ETS1: variants seen among roughly 807,000 people sequenced by gnomAD.
ETS1 encodes protein C-ets-1.
ETS1 carries 15 observed loss-of-function variants against 58.6 expected under a neutral mutation model. The observed-to-expected ratio is 0.26, with a 90% CI of 0.17 to 0.39. The LOEUF (loss-of-function observed/expected upper bound fraction) is 0.39, where lower values mean the gene tolerates loss of function less well. ETS1 is among the 10% of genes least tolerant of loss of function. The pLI is 1.00. For missense variants in ETS1, 417 were observed against 610.5 expected, an observed-to-expected ratio of 0.68 and a Z score of 3.34; for synonymous variants, 214 against 218.2, an observed-to-expected ratio of 0.98 and a Z score of 0.17.
chr11:128,556,487 T>C, intron 2 of ETS1, 52 bp from the exon 3 acceptor site: 2 of 1,317,216 alleles, frequency 1.5e-6, no homozygotes, highest in Non-Finnish European at 2.1e-6. Context: ...TCTCTGTTGT[T>C]TAGCCCTAAA....
intron 2 of ETS1, among the ~76,000 whole-genome samples, chr11:128,566,398 C>T (rs1370339768): frequency 1.3e-5 from 2 of 152,202 alleles, no homozygotes; most frequent in Non-Finnish European, 2.9e-5. Flanking sequence ...TCACAGTGAC[C>T]TTCCACGTAC....
intron 1 of ETS1, among the ~76,000 whole-genome samples, chr11:128,578,116 A>G (rs1439409644): frequency 6.6e-6 from 1 of 152,174 alleles, no homozygotes. Context: ...TCATAGAGCG[A>G]GTGACCACTT....
chr11:128,574,344 C>A (rs1467923087), intron 1 of ETS1, among the ~76,000 whole-genome samples: 1 of 152,164 alleles, frequency 6.6e-6, no homozygotes, highest in Non-Finnish European at 1.5e-5. Flanking sequence ...ATGTAGAATG[C>A]AGTCAAAATA....
chr11:128,495,441 A>G (rs1370519710), intron 3 of ETS1, among the ~76,000 whole-genome samples: 6 of 152,242 alleles, frequency 3.9e-5, no homozygotes, highest in Non-Finnish European at 8.8e-5. Flanking sequence ...AGCCATTTAC[A>G]GAATCAACTA....
At chr11:128,571,907 G>A (rs1162234006) in intron 2 of ETS1, 2 of 152,006 alleles carry the variant, frequency 1.3e-5, no homozygotes, top group Admixed American at 6.6e-5. Flanking sequence ...AGTTGGGCGT[G>A]GTGGTGGGCA....
chr11:128,554,087 G>A (rs546937698), intron 3 of ETS1, among the ~76,000 whole-genome samples: 4 of 152,150 alleles, frequency 2.6e-5, no homozygotes, highest in Non-Finnish European at 5.9e-5. Flanking sequence ...AACACCCATC[G>A]CTGAGGAGAG....
Position 128,490,427 on chromosome 11 carries a change from A to G in ETS1, c.334+30T>C, listed in dbSNP as rs757144856. 56 of 1,613,004 alleles carry G rather than the reference A, an allele frequency of 3.5e-5. 1 individual carries two copies. In the South Asian group the frequency reaches 5.7e-4, roughly 16 times the overall value. On this transcript the variant is annotated intron_variant, in intron 4 of 9. Transcript: ENST00000392668. ...TGTCTTCCCAAAGGGTCTGACCCCAACCACTCTTTTTCCAACTACAAAACC... is the reference window on the plus strand; with the variant it reads ...TGTCTTCCCAAAGGGTCTGACCCCAGCCACTCTTTTTCCAACTACAAAACC...
intron 3 of ETS1, among the ~76,000 whole-genome samples, chr11:128,527,665 A>G (rs980095569): frequency 1.3e-5 from 2 of 152,190 alleles, no homozygotes; most frequent in Non-Finnish European, 2.9e-5. Flanking sequence ...CTTTAATAAT[A>G]TGAGAGAAGA....
intron 8 of ETS1, among the ~76,000 whole-genome samples, chr11:128,468,836 A>G (rs2135418641): frequency 6.6e-6 from 1 of 152,292 alleles, no homozygotes; most frequent in South Asian, 2.1e-4. Context: ...CTCACCAACA[A>G]ACACCAACAA....
At chr11:128,526,996 C>T (rs1318705214) in intron 3 of ETS1, 1 of 455,454 alleles carries the variant, frequency 2.2e-6, no homozygotes, top group Admixed American at 2.4e-5. Flanking sequence ...AGTTCTCTCC[C>T]TGGCATCTCC....
intron 2 of ETS1, among the ~76,000 whole-genome samples, chr11:128,559,735 A>G (rs972708680): frequency 6.6e-6 from 1 of 152,240 alleles, no homozygotes; most frequent in Non-Finnish European, 1.5e-5. Context: ...ATAGAGTATG[A>G]AAATGATATT....
At chr11:128,467,475 C>T (rs967298491) in intron 8 of ETS1, among the ~76,000 whole-genome samples, 3 of 152,182 alleles carry the variant, frequency 2.0e-5, no homozygotes, top group Non-Finnish European at 2.9e-5. Context: ...CACAGGGCTC[C>T]AGGACCCCAT....
At chr11:128,481,364 T>C (rs1862480289) in intron 7 of ETS1, among the ~76,000 whole-genome samples, 2 of 151,558 alleles carry the variant, frequency 1.3e-5, no homozygotes, top group Admixed American at 1.3e-4. Context: ...GCTGCTATGA[T>C]TGCACAATAG....
intron 4 of ETS1, 92 bp from the exon 5 acceptor site, chr11:128,489,582 T>A (rs568833461): frequency 1.0e-6 from 1 of 971,314 alleles, no homozygotes; most frequent in African/African-American, 1.6e-5. Context: ...TGAATTTAGC[T>A]GAGAATGCTA....
chr11:128,534,318 G>A (rs1287052587), intron 3 of ETS1, among the ~76,000 whole-genome samples: 2 of 152,178 alleles, frequency 1.3e-5, no homozygotes, highest in Non-Finnish European at 2.9e-5. Context: ...CAGATGAGTA[G>A]ATGACTAGAC....
At position 128,480,302 on chromosome 11, in the gene ETS1, C is replaced by A; in HGVS notation, c.1012G>T (p.Ala338Ser). ...DSFDSEDYPA[A>S]LPNHKPKGTF... ...CCCTTGGGCTTGTGGTTGGGCAGGGCAGCCGGATAGTCCTCTGAGTCGAAG... is the reference window on the plus strand; with the variant it reads ...CCCTTGGGCTTGTGGTTGGGCAGGGAAGCCGGATAGTCCTCTGAGTCGAAG... Residue 338 changes from alanine (A) to serine (S), a missense_variant, in exon 8 of 10, where the codon GCC (alanine) becomes TCC (serine). Physicochemically the swap from Ala to Ser is moderately conservative, Grantham distance 99. Coordinates refer to ENST00000392668, the MANE Select transcript of ETS1 (RefSeq NM_001143820.2). The A allele has an allele frequency of 5.0e-6, 8 of 1,614,112 alleles. No individual in the cohort carries two copies. Among genetic ancestry groups the A allele is most frequent in the Non-Finnish European group, 5.9e-6 (7 of 1,180,008 alleles).
At position 128,560,403 on chromosome 11, in the gene ETS1, G is replaced by A. The variant is rs1206162300; in HGVS notation, c.70-3968C>T. ...GCTGGGATTACAGGCGTGAGCCACCGCGCCCGGCCGAGATGGTCACTTTTA... is the reference window on the plus strand; with the variant it reads ...GCTGGGATTACAGGCGTGAGCCACCACGCCCGGCCGAGATGGTCACTTTTA... On this transcript the variant is annotated intron_variant, in intron 2 of 9. Coordinates refer to ENST00000392668, the MANE Select transcript of ETS1 (RefSeq NM_001143820.2). 4.6e-5 allele frequency among the ~76,000 whole-genome samples: 7 copies of A among 152,180 alleles called. No homozygotes were observed. In the South Asian group the frequency reaches 6.2e-4, roughly 14 times the overall value.
intron 3 of ETS1, 106 bp from the exon 4 acceptor site, chr11:128,490,682 C>T: frequency 2.5e-6 from 2 of 796,524 alleles, no homozygotes; most frequent in Non-Finnish European, 4.1e-6. Context: ...AACAACTGTG[C>T]TAGCATCCTC....
At chr11:128,585,315 A>AGGAAG (rs1555093277) in intron 1 of ETS1, among the ~76,000 whole-genome samples, 6 of 136,474 alleles carry the variant, frequency 4.4e-5, no homozygotes, top group African/African-American at 1.7e-4. Context: ...AAGGGAGGGA[A>AGGAAG]GAAGGAAGGA....
Sources: allele counts gnomAD v4.1 joint callset (sites outside exome capture counted in the v4.1 genomes callset), GRCh38; gene constraint gnomAD v4.1.1; transcripts MANE v1.5; gene names NCBI Gene and HGNC (gene_info 2026-07-23, HGNC 2026-07-21).